The following TNFRSF14 variants were observed in gnomAD, a reference collection of about 807,000 sequenced individuals.
The protein encoded by TNFRSF14 is tumor necrosis factor receptor superfamily member 14.
TNFRSF14 carries 18 observed loss-of-function variants against 34.1 expected under a neutral mutation model. The observed-to-expected ratio is 0.53, with a 90% CI of 0.36 to 0.78. TNFRSF14 has a LOEUF of 0.78. Ranked by LOEUF, TNFRSF14 falls within the 30% of genes least tolerant of loss-of-function variation. TNFRSF14 has a pLI of 0.00. For missense variants in TNFRSF14, 352 were observed against 379.5 expected (o/e 0.93, Z 0.60); for synonymous variants, 157 against 153.2 (o/e 1.02, Z -0.18).
At chr1:2,557,575 T>G in intron 1 of TNFRSF14, 151 bp from the exon 2 acceptor site, 3 of 564,212 alleles carry the variant, frequency 5.3e-6, no homozygotes, top group Non-Finnish European at 9.1e-6. Context: ...GGTTGTTCCA[T>G]GAGCCTGGCC....
Position 2,562,913 on chromosome 1 carries a change from C to T in TNFRSF14, c.726+17C>T. 1.9e-6 allele frequency: 3 copies of T among 1,609,608 alleles called. No individual in the cohort carries two copies. The highest frequency in any genetic ancestry group is 2.6e-6 in the Non-Finnish European group (3 of 1,176,194). On this transcript the variant is annotated intron_variant, in intron 7 of 7. Coordinates refer to ENST00000355716, the MANE Select transcript of TNFRSF14 (RefSeq NM_003820.4). ...TCCGTCCAGGTATTGATCCTCCTCCCCCTCTCCCTCCCCCCTCCACCTTCC... is the reference window on the plus strand; with the variant it reads ...TCCGTCCAGGTATTGATCCTCCTCCTCCTCTCCCTCCCCCCTCCACCTTCC...
At chr1:2,560,602 C>A in intron 4 of TNFRSF14, 22 bp from the exon 5 acceptor site, 7 of 1,604,720 alleles carry the variant, frequency 4.4e-6, no homozygotes, top group Non-Finnish European at 6.0e-6. Flanking sequence ...TCAGCCCCCT[C>A]TGTCCGTCCC....
intron 1 of TNFRSF14, 95 bp from the exon 2 acceptor site, chr1:2,557,631 C>T: frequency 1.1e-6 from 1 of 926,888 alleles, no homozygotes; most frequent in Non-Finnish European, 1.6e-6. Context: ...CGCTCCTCCC[C>T]ATTGCACAGA....
At chr1:2,560,108 C>T (rs1185765286) in intron 4 of TNFRSF14, 130 bp downstream of exon 4, 2 of 1,310,070 alleles carry the variant, frequency 1.5e-6, no homozygotes, top group East Asian at 2.5e-5. Context: ...CTTGGCCAGC[C>T]CCAGGCCCAC....
chr1:2,560,528 C>T, intron 4 of TNFRSF14, 96 bp from the exon 5 acceptor site: 1 of 885,038 alleles, frequency 1.1e-6, no homozygotes, highest in South Asian at 1.6e-5. Flanking sequence ...CCGTAGAGCA[C>T]CCAGGTCTAG....
chr1:2,556,577 G>A lies in TNFRSF14; in HGVS notation c.-88G>A, dbSNP rs751583230. 20 of 1,280,730 alleles carry A rather than the reference G, an allele frequency of 1.6e-5. No homozygotes were observed. The South Asian group carries it at 2.4e-4, about 15-fold the overall frequency. 79.3% of individuals were successfully genotyped at this position (1,280,730 alleles called of 1,614,324 possible). On this transcript the variant is annotated 5_prime_UTR_variant, in exon 1 of 8. Transcript: ENST00000355716. The stretch of plus-strand genomic sequence containing the variant: ...TCTTTCTCTTTCTCTTTCTCTTCTG[G>A]CCCACAGCCGCAGCAATGGCGCTGA...
At chr1:2,563,116 A>C in intron 7 of TNFRSF14, 32 bp from the exon 8 acceptor site, 12 of 1,611,042 alleles carry the variant, frequency 7.4e-6, no homozygotes, top group Non-Finnish European at 9.3e-6. Flanking sequence ...GGGCCTGAGC[A>C]GGCAGGGTCT....
upstream of TNFRSF14, chr1:2,555,249 GCTT>G (rs1644197291): frequency 5.2e-5 from 8 of 152,398 alleles, no homozygotes. This position sits in a 1 kb window ranked among gnomAD's most constrained non-coding sequence, Gnocchi z 6.3. Context: ...AGCTCGGGAC[GCTT>G]GGCCCCACAG....
Position 2,558,476 on chromosome 1 carries a change from G to T in TNFRSF14, c.304+8G>T, listed in dbSNP as rs368277419. On this transcript the variant is annotated splice_region_variant and intron_variant, in intron 3 of 7. Transcript: ENST00000355716. ...GCCAAATGTGTGACCCAGGTAAGAG[G>T]CCAGCACAGCCGGCCCAGCCTCCGC... 30 of 1,612,458 alleles carry T rather than the reference G, an allele frequency of 1.9e-5. No homozygotes were observed. Among genetic ancestry groups the T allele is most frequent in the Non-Finnish European group, 2.4e-5 (28 of 1,179,742 alleles).
chr1:2,556,674 C>T lies in TNFRSF14; in HGVS notation c.10C>T (p.Pro4Ser), dbSNP rs756893287. 8 of 1,609,942 alleles carry T rather than the reference C, an allele frequency of 5.0e-6. No homozygotes were observed. In the Admixed American group the frequency reaches 1.0e-4, roughly 20 times the overall value. The change falls in exon 1 of 8, where the codon CCT becomes TCT. Residue 4 changes from proline to serine, a missense_variant. By Grantham distance (74) the Pro-to-Ser change is moderately conservative. Transcript: ENST00000355716. MEP[P>S]GDWGPPPWRS... ...GGTCTGAGCCTGAGGCATGGAGCCT[C>T]CTGGAGACTGGGGGCCTCCTCCCTG...
upstream of TNFRSF14, chr1:2,556,339 A>G: frequency 1.6e-6 from 1 of 614,596 alleles, no homozygotes; most frequent in Non-Finnish European, 3.0e-6. Flanking sequence ...GTGCAGGGGG[A>G]GAACTCGCCC....
chr1:2,560,808 C>G, intron 5 of TNFRSF14, 94 bp downstream of exon 5: 1 of 1,180,256 alleles, frequency 8.5e-7, no homozygotes, highest in Non-Finnish European at 1.2e-6. Flanking sequence ...AGCAGAAAGG[C>G]TTGAAGGTCC....
chr1:2,558,995 G>A, intron 3 of TNFRSF14: 2 of 1,367,446 alleles, frequency 1.5e-6, no homozygotes, highest in Non-Finnish European at 1.9e-6. Context: ...GAGTCACTGA[G>A]CGCAGAGCCT....
At chr1:2,559,776 G>A (rs1240835078) in intron 3 of TNFRSF14, 47 bp from the exon 4 acceptor site, 1 of 1,572,078 alleles carries the variant, frequency 6.4e-7, no homozygotes, top group Non-Finnish European at 8.6e-7. Context: ...CGTGGATGGT[G>A]TCCCGGCCTC....
chr1:2,556,623 C>T lies in TNFRSF14; in HGVS notation c.-42C>T. The T allele has an allele frequency of 6.3e-7, 1 of 1,591,154 alleles. No homozygotes were observed. Among genetic ancestry groups the T allele is most frequent in the Non-Finnish European group, 8.6e-7 (1 of 1,165,790 alleles). ...GCTGAGTTCCTCTGCTGGAGTTCAT[C>T]CTGCTAGCTGGGTTCCCGAGCTGCC... On this transcript the variant is annotated 5_prime_UTR_variant, in exon 1 of 8. Coordinates refer to ENST00000355716, the MANE Select transcript of TNFRSF14 (RefSeq NM_003820.4).
intron 6 of TNFRSF14, 90 bp from the exon 7 acceptor site, chr1:2,562,775 C>T: frequency 6.5e-7 from 1 of 1,530,618 alleles, no homozygotes; most frequent in Non-Finnish European, 9.1e-7. Flanking sequence ...AGGAGTTGTG[C>T]CTCCGCCACC....
chr1:2,563,386 C>A lies in TNFRSF14; in HGVS notation c.*113C>A. 2 of 1,520,342 alleles carry A rather than the reference C, an allele frequency of 1.3e-6. No homozygotes were observed. Among genetic ancestry groups the A allele is most frequent in the Non-Finnish European group, 1.8e-6 (2 of 1,130,764 alleles). The allele number at this position is 1,520,342 out of a possible 1,614,324, so 94.2% of individuals were successfully genotyped here. A position where few individuals can be genotyped will look rare whatever the true frequency, so the allele number is the denominator to read the frequency against. On this transcript the variant is annotated 3_prime_UTR_variant, in exon 8 of 8. Transcript: ENST00000355716. ...GGAGGCTTGGGGGCTCCGCCCTGGG[C>A]TGGCTTCCGTCTCCTCCAGTGGAGG...
Position 2,563,221 on chromosome 1 carries a change from T to A in TNFRSF14, c.800T>A (p.Val267Glu), listed in dbSNP as rs754133808. The A allele has an allele frequency of 6.2e-7, 1 of 1,613,358 alleles. No homozygotes were observed. The highest frequency in any genetic ancestry group is 1.1e-5 in the South Asian group (1 of 91,070). Residue 267 changes from valine (V) to glutamate (E), a missense_variant, in exon 8 of 8, where the codon GTG (valine) becomes GAG (glutamate). By Grantham distance (121) the Val-to-Glu change is moderately radical. Coordinates refer to ENST00000355716, the MANE Select transcript of TNFRSF14 (RefSeq NM_003820.4). ...CAGGCCCCTCCGGACGTCACCACGG[T>A]GGCCGTGGAGGAGACAATACCCTCA... is the stretch of plus-strand genomic sequence containing the variant. ...ALQAPPDVTT[V>E]AVEETIPSFT...
At chr1:2,557,670 G>C in intron 1 of TNFRSF14, 56 bp from the exon 2 acceptor site, 2 of 1,374,638 alleles carry the variant, frequency 1.5e-6, no homozygotes, top group Non-Finnish European at 2.0e-6. Context: ...GGCCAAGCCT[G>C]GCAGAGCCCA....
Sources: allele counts gnomAD v4.1 joint callset, GRCh38; gene constraint gnomAD v4.1.1; non-coding constraint Gnocchi (gnomAD v3.1); transcripts MANE v1.5; gene names NCBI Gene and HGNC (gene_info 2026-07-23, HGNC 2026-07-21).